ARHGEF4: variants seen among roughly 807,000 people sequenced by gnomAD.
ARHGEF4 encodes the protein Rho guanine nucleotide exchange factor 4.
In ARHGEF4, 119 loss-of-function variants were observed where a neutral mutation model predicts 162.0. That is an observed-to-expected ratio of 0.73 (90% CI 0.63 to 0.86). The LOEUF (loss-of-function observed/expected upper bound fraction) is 0.86. Ranked by LOEUF, ARHGEF4 falls within the 40% of genes least tolerant of loss-of-function variation. ARHGEF4 has a pLI of 0.00. For synonymous variants in ARHGEF4, 1,014 were observed against 979.9 expected, an observed-to-expected ratio of 1.03 and a Z score of -0.65; for missense variants, 2,488 against 2,456.0, an observed-to-expected ratio of 1.01 and a Z score of -0.28.
At position 130,916,642 on chromosome 2, in the gene ARHGEF4, A is replaced by C. The variant is rs571337313; in HGVS notation, c.2696A>C (p.Lys899Thr). The change falls in exon 2 of 14, where the codon AAA (lysine) becomes ACA (threonine). Residue 899 changes from lysine (K) to threonine (T), a missense_variant. Lys to Thr is a moderately conservative substitution (Grantham distance 78). Around this residue, in one of 6 missense-constraint regions of ARHGEF4, gnomAD observed 1,642 missense variants for 1,481.5 expected, o/e 1.11. Transcript: ENST00000409359. ...SSESCNAKRL[K>T]TTEKKLRARL... ...GAGAGCTGCAACGCAAAGAGACTCA[A>C]AACAACGGAGAAAAAACTCAGGGCA... 1.9e-6 allele frequency: 3 copies of C among 1,550,614 alleles called. No individual in the cohort carries two copies. The highest frequency in any genetic ancestry group is 2.0e-5 in the Admixed American group (1 of 51,012).
At chr2:130,948,382 T>C (rs1175553903) in intron 4 of ARHGEF4, among the ~76,000 whole-genome samples, 1 of 152,238 alleles carries the variant, frequency 6.6e-6, no homozygotes, top group Non-Finnish European at 1.5e-5. Context: ...GTTTGACAAG[T>C]GTTGAAGAAA....
intron 5 of ARHGEF4, among the ~76,000 whole-genome samples, chr2:131,037,523 T>C (rs1690389394): frequency 6.6e-6 from 1 of 152,072 alleles, no homozygotes; most frequent in African/African-American, 2.4e-5. Context: ...GACATTCCCA[T>C]CCTTGACCGC....
chr2:130,880,554 A>G (rs6754411), intron 1 of ARHGEF4, among the ~76,000 whole-genome samples: 17,516 of 152,152 alleles, frequency 0.12, 1,106 homozygotes, highest in South Asian at 0.18. Context: ...TTTTTGTTTG[A>G]AAAAGGGCTT....
At position 130,914,458 on chromosome 2, in the gene ARHGEF4, A is replaced by C; in HGVS notation, c.512A>C (p.Glu171Ala). The change falls in exon 2 of 14, where the codon GAG (glutamate) becomes GCG (alanine). Residue 171 changes from glutamate (E) to alanine (A), a missense_variant. Physicochemically the swap from Glu to Ala is moderately radical, Grantham distance 107 (BLOSUM62 -1). Transcript: ENST00000409359. ...LWDCATSLER[E>A]SLLAGVPRHT... ...GACTGCGCGACCAGCCTGGAGCGAG[A>C]GTCTTTGCTGGCAGGGGTTCCCCGA... The C allele has an allele frequency of 2.1e-6, 3 of 1,433,598 alleles. No individual in the cohort carries two copies. The highest frequency in any genetic ancestry group is 2.6e-4 in the Middle Eastern group (1 of 3,872). 88.8% of individuals were successfully genotyped at this position (1,433,598 alleles called of 1,614,324 possible). A position where few individuals can be genotyped will look rare whatever the true frequency, so the allele number is the denominator to read the frequency against.
intron 4 of ARHGEF4, among the ~76,000 whole-genome samples, chr2:130,999,066 C>T (rs1019945126): frequency 6.6e-6 from 1 of 152,108 alleles, no homozygotes; most frequent in Non-Finnish European, 1.5e-5. Flanking sequence ...TAATGACATA[C>T]CTGTATATCT....
At chr2:130,877,664 A>G (rs1373192762) in intron 1 of ARHGEF4, among the ~76,000 whole-genome samples, 2 of 152,184 alleles carry the variant, frequency 1.3e-5, no homozygotes, top group Non-Finnish European at 2.9e-5. Flanking sequence ...GAATAAATAT[A>G]TAAATAATCA....
intron 4 of ARHGEF4, among the ~76,000 whole-genome samples, chr2:131,021,139 C>G (rs928639121): frequency 1.3e-5 from 2 of 152,126 alleles, no homozygotes; most frequent in Non-Finnish European, 2.9e-5. Context: ...TGTAGGTTGC[C>G]TGTTCACTCT....
chr2:130,937,714 C>T (rs956610941), intron 3 of ARHGEF4, among the ~76,000 whole-genome samples: 7 of 148,534 alleles, frequency 4.7e-5, no homozygotes, highest in East Asian at 4.0e-4. Flanking sequence ...GTCACCCAGA[C>T]GGGAGTGCAG....
chr2:130,839,814 CCGTCACTGAAGT>C (rs1258714981), intron 1 of ARHGEF4, among the ~76,000 whole-genome samples: 4 of 152,168 alleles, frequency 2.6e-5, no homozygotes, highest in African/African-American at 9.7e-5. Flanking sequence ...CTGCCTGGAG[CCGTCACTGAAGT>C]GGCAGGTCCC....
chr2:131,028,002 AG>A lies in ARHGEF4; in HGVS notation c.4045del (p.Asp1349ThrfsTer61). On this transcript the variant is annotated frameshift_variant, in exon 5 of 14. Coordinates refer to ENST00000409359, the MANE Select transcript of ARHGEF4 (RefSeq NM_001367493.1). LOFTEE classifies it high-confidence loss of function. Reference protein sequence around the residue: ...AVCADEVGSEEDLYDDLHSSS... With the variant: ...AVCADEVGSEXDLYDDLHSSS... ...TGCGCTGACGAAGTGGGGAGCGAGG[AG>A]GACCTGTATGATGACCTGCACAGCT... 6.2e-7 allele frequency: 1 copy of A among 1,614,094 alleles called. No individual in the cohort carries two copies. Among genetic ancestry groups the A allele is most frequent in the South Asian group, 1.1e-5 (1 of 91,068 alleles).
At position 131,040,267 on chromosome 2, in the gene ARHGEF4, G is replaced by A. The variant is rs749396177; in HGVS notation, c.4489G>A (p.Val1497Ile). 1 of 1,612,642 alleles carries A rather than the reference G, an allele frequency of 6.2e-7. No individual in the cohort carries two copies. ...TAACCACGTCCGCCCGCAGGGCTACGTCCGGCAGTGCCGCAAGCGCGCAGA... is the reference window on the plus strand; with the variant it reads ...TAACCACGTCCGCCCGCAGGGCTACATCCGGCAGTGCCGCAAGCGCGCAGA... ...KHLRDICEGY[V>I]RQCRKRADMF... Residue 1497 changes from valine to isoleucine, a missense_variant, in exon 8 of 14, where the codon GTC becomes ATC. Physicochemically the swap from Val to Ile is conservative, Grantham distance 29. This residue lies in a region of ARHGEF4 where 415 missense variants were observed against 512.4 expected (regional missense o/e 0.81). Transcript: ENST00000409359.
chr2:130,873,644 A>G (rs1283151624), intron 1 of ARHGEF4, among the ~76,000 whole-genome samples: 1 of 152,046 alleles, frequency 6.6e-6, no homozygotes, highest in Non-Finnish European at 1.5e-5. Context: ...CTAACTAATG[A>G]CAGAACTAAG....
At chr2:130,997,969 G>A (rs754242956) in intron 4 of ARHGEF4, among the ~76,000 whole-genome samples, 4 of 151,894 alleles carry the variant, frequency 2.6e-5, no homozygotes, top group Non-Finnish European at 5.9e-5. Flanking sequence ...ACACACAGAC[G>A]CACACCTGGG....
intron 4 of ARHGEF4, among the ~76,000 whole-genome samples, chr2:131,006,664 T>G (rs927327760): frequency 3.3e-5 from 5 of 152,190 alleles, no homozygotes; most frequent in African/African-American, 9.7e-5. Flanking sequence ...TAGGCATCTT[T>G]TATGCTTTTG....
chr2:130,942,724 C>T (rs555888885), intron 3 of ARHGEF4, among the ~76,000 whole-genome samples: 3 of 152,012 alleles, frequency 2.0e-5, no homozygotes, highest in African/African-American at 4.8e-5. Context: ...ATTAGGATTT[C>T]GTTTTTAAGA....
At chr2:130,940,485 C>T (rs923319151) in intron 3 of ARHGEF4, among the ~76,000 whole-genome samples, 6 of 151,378 alleles carry the variant, frequency 4.0e-5, no homozygotes, top group South Asian at 4.2e-4. Context: ...TTAGTAGAGA[C>T]GGGATTTCAC....
At chr2:130,966,182 C>G (rs1181476417) in intron 4 of ARHGEF4, among the ~76,000 whole-genome samples, 1 of 152,178 alleles carries the variant, frequency 6.6e-6, no homozygotes, top group Non-Finnish European at 1.5e-5. Context: ...GCCCCCACTT[C>G]CTGCCTTGTT....
At chr2:130,891,795 C>T (rs942688276) in intron 1 of ARHGEF4, among the ~76,000 whole-genome samples, 2 of 152,136 alleles carry the variant, frequency 1.3e-5, no homozygotes, top group African/African-American at 2.4e-5. Context: ...GCTCTGTCTC[C>T]AAATGCAGTC....
intron 1 of ARHGEF4, among the ~76,000 whole-genome samples, chr2:130,905,890 G>A (rs569982367): frequency 3.9e-5 from 6 of 152,288 alleles, no homozygotes; most frequent in Non-Finnish European, 8.8e-5. Flanking sequence ...GGCACTCACT[G>A]GGGGTCTTGG....
Sources: gnomAD v4.1 joint callset for allele counts (sites outside exome capture counted in the v4.1 genomes callset) on GRCh38, gnomAD v4.1.1 for gene constraint, gnomAD v4.1.1 regional missense constraint, MANE v1.5 for transcripts, NCBI Gene and HGNC (gene_info 2026-07-23, HGNC 2026-07-21) for gene names.